Variants in LDB3 observed in about 807,000 individuals in gnomAD.
LDB3 encodes the protein LIM domain binding 3.
LDB3 carries 49 observed loss-of-function variants against 69.0 expected under a neutral mutation model. That is an observed-to-expected ratio of 0.71 (90% CI 0.56 to 0.90). The LOEUF is 0.90. LDB3 is among the 40% of genes least tolerant of loss of function. LDB3 has a pLI of 0.00. For missense variants in LDB3, 928 were observed against 974.1 expected (o/e 0.95, Z 0.63); for synonymous variants, 387 against 396.2 (o/e 0.98, Z 0.28).
rs1347285085 is a variant in LDB3, at chr10:86,726,383, A to C, written c.2094+131A>C. 7 of 728,824 alleles carry C rather than the reference A, an allele frequency of 9.6e-6. No individual in the cohort carries two copies. The Admixed American group carries it at 1.4e-4, about 15-fold the overall frequency. The allele number at this position is 728,824 out of a possible 1,614,324, so 45.1% of individuals were successfully genotyped here. On this transcript the variant is annotated intron_variant, in intron 13 of 13. Coordinates refer to ENST00000361373, the MANE Select transcript of LDB3 (RefSeq NM_007078.3). ...ATCCTGATCATTTTTAAAAGCTGGC[A>C]AACACCATGATGCCTCGATACATCA...
rs555386708 is a variant in LDB3, at chr10:86,719,416, A to C, written c.1978+569A>C. On this transcript the variant is annotated intron_variant, in intron 12 of 13. Transcript: ENST00000361373. Reference sequence around the variant, plus strand: ...TCAAAAAAAAAAAAAAATGTAGATCACAAGTTGGCATCTTATGACCACTGG... The same window carrying C: ...TCAAAAAAAAAAAAAAATGTAGATCCCAAGTTGGCATCTTATGACCACTGG... 3.9e-5 allele frequency among the ~76,000 whole-genome samples: 6 copies of C among 151,992 alleles called. No homozygotes were observed. The South Asian group carries it at 1.0e-3, about 26-fold the overall frequency.
chr10:86,716,231 A>G lies in LDB3; in HGVS notation c.1232-96A>G, dbSNP rs59439194. On this transcript the variant is annotated intron_variant, in intron 9 of 13. Transcript: ENST00000361373. ...CTGAAATTGTACTGCTCTAATGTTAAAGTCACCTTTTGCATTTCTCTGGCT... is the reference window on the plus strand; with the variant it reads ...CTGAAATTGTACTGCTCTAATGTTAGAGTCACCTTTTGCATTTCTCTGGCT... 9.5e-4 allele frequency: 1,354 copies of G among 1,429,236 alleles called. 19 individuals carry two copies. The African/African-American group carries it at 0.017, about 18-fold the overall frequency. 88.5% of individuals were successfully genotyped at this position (1,429,236 alleles called of 1,614,324 possible). A position where few individuals can be genotyped will look rare whatever the true frequency, so the allele number is the denominator to read the frequency against.
intron 12 of LDB3, among the ~76,000 whole-genome samples, chr10:86,722,542 G>A (rs1240391874): frequency 6.9e-6 from 1 of 144,772 alleles, no homozygotes; most frequent in Non-Finnish European, 1.5e-5. Flanking sequence ...TTACAGGCGT[G>A]AGCCACCGTG....
At chr10:86,678,215 T>C (rs76165904) in intron 2 of LDB3, among the ~76,000 whole-genome samples, 2,479 of 151,844 alleles carry the variant, frequency 0.016, 93 homozygotes, top group East Asian at 0.14. Flanking sequence ...GTCCAGCTAA[T>C]TTTTTTTGTA....
chr10:86,716,666 C>A lies in LDB3; in HGVS notation c.1571C>A (p.Ala524Glu). 1 of 1,613,992 alleles carries A rather than the reference C, an allele frequency of 6.2e-7. No individual in the cohort carries two copies. Among genetic ancestry groups the A allele is most frequent in the Non-Finnish European group, 8.5e-7 (1 of 1,180,000 alleles). ...CGGGGAGGCCCAGCCTACACCCCAG[C>A]GGGTCCTCAGGTGCCACCACTTGCC... The part of the protein sequence containing the change: ...LPRGGPAYTP[A>E]GPQVPPLARG... The change falls in exon 10 of 14, where the codon GCG (alanine) becomes GAG (glutamate). Residue 524 changes from alanine to glutamate, a missense_variant. Ala to Glu is a moderately radical substitution (Grantham distance 107). Transcript: ENST00000361373.
At chr10:86,726,081 TTG>T in intron 12 of LDB3, 54 bp from the exon 13 acceptor site, 8 of 1,311,528 alleles carry the variant, frequency 6.1e-6, no homozygotes, top group Non-Finnish European at 8.8e-6. Flanking sequence ...TGTCTTGGCT[TTG>T]GGTCCCCGCT....
chr10:86,687,182 A>C (rs1845527376), intron 5 of LDB3: 1 of 1,614,232 alleles, frequency 6.2e-7, no homozygotes, highest in Non-Finnish European at 8.5e-7. Flanking sequence ...ATCCATGCGC[A>C]GTACAACACG....
chr10:86,691,831 G>A, intron 5 of LDB3, 65 bp from the exon 6 acceptor site: 1 of 1,579,612 alleles, frequency 6.3e-7, no homozygotes, highest in South Asian at 1.1e-5. Flanking sequence ...ATGGAGCAGG[G>A]ACCCAGCAGG....
At chr10:86,700,604 G>A (rs1266675340) in intron 7 of LDB3, among the ~76,000 whole-genome samples, 3 of 152,178 alleles carry the variant, frequency 2.0e-5, no homozygotes, top group Non-Finnish European at 4.4e-5. Flanking sequence ...AGGCAAGAGG[G>A]CTGGGAAGGC....
chr10:86,717,945 C>T lies in LDB3; in HGVS notation c.1677-19C>T, dbSNP rs749512075. ...GTTCTGGGAGCTGCCTTACTGGGTG[C>T]CATTCTGTGCTTCCCCAGGGGCCCA... On this transcript the variant is annotated intron_variant, in intron 10 of 13. Transcript: ENST00000361373. 3 of 1,613,026 alleles carry T rather than the reference C, an allele frequency of 1.9e-6. No homozygotes were observed.
At chr10:86,677,368 G>A (rs1370267248) in intron 2 of LDB3, among the ~76,000 whole-genome samples, 1 of 152,152 alleles carries the variant, frequency 6.6e-6, no homozygotes, top group African/African-American at 2.4e-5. Flanking sequence ...ATGTCACTAG[G>A]GGCCAGCCAT....
At chr10:86,709,468 G>T (rs1248177718) in intron 8 of LDB3, among the ~76,000 whole-genome samples, 1 of 152,176 alleles carries the variant, frequency 6.6e-6, no homozygotes, top group East Asian at 1.9e-4. Flanking sequence ...AGAAACCTGA[G>T]ACTTTGCTGT....
intron 8 of LDB3, among the ~76,000 whole-genome samples, chr10:86,707,723 A>T (rs1296535001): frequency 6.6e-6 from 1 of 152,112 alleles, no homozygotes; most frequent in Non-Finnish European, 1.5e-5. Flanking sequence ...GATTGATGTG[A>T]GCAAACCGGC....
intron 13 of LDB3, among the ~76,000 whole-genome samples, chr10:86,726,979 CT>C (rs922114425): frequency 5.9e-5 from 9 of 151,578 alleles, no homozygotes; most frequent in African/African-American, 2.2e-4. Context: ...AGAAAGCCCC[CT>C]AATGTCAATC....
In LDB3 at chr10:86,732,969, A is replaced by G. The variant is rs1335747231; in HGVS notation, c.2177A>G (p.Asn726Ser). The change falls in exon 14 of 14, where the codon AAC becomes AGC. Residue 726 changes from asparagine (N) to serine (S), a missense_variant. Physicochemically the swap from Asn to Ser is conservative, Grantham distance 46. Coordinates refer to ENST00000361373, the MANE Select transcript of LDB3 (RefSeq NM_007078.3). ...TGCAAGAAGCACGCACACACCATCA[A>G]CTTGTAGGCGGCCAAGGCCGCCTGT... The part of the protein sequence containing the change: ...PLCKKHAHTI[N>S]L The G allele has an allele frequency of 1.9e-6, 3 of 1,613,176 alleles. No individual in the cohort carries two copies. The highest frequency in any genetic ancestry group is 1.7e-4 in the Middle Eastern group (1 of 6,014).
At chr10:86,688,798 CT>C (rs1845623698) in intron 5 of LDB3, among the ~76,000 whole-genome samples, 1 of 152,284 alleles carries the variant, frequency 6.6e-6, no homozygotes, top group Admixed American at 6.5e-5. Flanking sequence ...AAGAAATGCT[CT>C]TCACTAACTT....
chr10:86,670,731 G>C (rs939769710), intron 2 of LDB3, among the ~76,000 whole-genome samples: 8 of 152,224 alleles, frequency 5.3e-5, no homozygotes, highest in Non-Finnish European at 1.0e-4. Flanking sequence ...CCCGAAGCTC[G>C]GGCAGGGCAC....
intron 7 of LDB3, among the ~76,000 whole-genome samples, chr10:86,696,012 A>G (rs1461450576): frequency 1.3e-5 from 2 of 152,152 alleles, no homozygotes; most frequent in Non-Finnish European, 2.9e-5. Context: ...CTTAGTGAAG[A>G]GTCCCTAGAG....
rs1185271398 is a variant in LDB3 at position 86,704,116 on chromosome 10, T to C, written c.897-2415T>C. On this transcript the variant is annotated intron_variant, in intron 7 of 13. Coordinates refer to ENST00000361373, the MANE Select transcript of LDB3 (RefSeq NM_007078.3). ...GCAACAGAGCGGGACTCCGTCTCAA[T>C]TTAAAAAAGAGAAAAAAAAAAAAAG... Among the ~76,000 whole-genome samples, 5 of 149,650 alleles carry C rather than the reference T, an allele frequency of 3.3e-5. No homozygotes were observed. In the East Asian group the frequency reaches 9.7e-4, roughly 29 times the overall value.
Sources: allele counts gnomAD v4.1 joint callset (sites outside exome capture counted in the v4.1 genomes callset), GRCh38; gene constraint gnomAD v4.1.1; transcripts MANE v1.5; gene names NCBI Gene and HGNC (gene_info 2026-07-23, HGNC 2026-07-21).